Variants in TLE1 observed in about 807,000 individuals in gnomAD.
TLE1 encodes transducin-like enhancer protein 1.
TLE1 carries 21 observed loss-of-function variants against 89.8 expected under a neutral mutation model. That is an observed-to-expected ratio of 0.23 (90% CI 0.17 to 0.34). TLE1 has a LOEUF of 0.34. Ranked by LOEUF, TLE1 falls within the 10% of genes least tolerant of loss-of-function variation. The pLI, the probability that TLE1 is intolerant of heterozygous loss-of-function variation, is 1.00. For synonymous variants in TLE1, 447 were observed against 407.6 expected, an observed-to-expected ratio of 1.10 and a Z score of -1.16; for missense variants, 795 against 1,031.2, an observed-to-expected ratio of 0.77 and a Z score of 3.14.
intron 13 of TLE1, among the ~76,000 whole-genome samples, chr9:81,610,863 T>A (rs1200471796): frequency 6.6e-6 from 1 of 151,824 alleles, no homozygotes; most frequent in Admixed American, 6.6e-5. Context: ...TAAGGATTCA[T>A]ACATGGATTC....
intron 4 of TLE1, among the ~76,000 whole-genome samples, chr9:81,667,933 G>A (rs1283573035): frequency 6.6e-6 from 1 of 152,194 alleles, no homozygotes; most frequent in Admixed American, 6.5e-5. Context: ...GGAGGCTGAG[G>A]AGGGTGGATT....
At chr9:81,657,914 T>C (rs1407709716) in intron 4 of TLE1, among the ~76,000 whole-genome samples, 3 of 149,490 alleles carry the variant, frequency 2.0e-5, no homozygotes, top group Admixed American at 2.0e-4. Context: ...ATTTTTTTTT[T>C]TTTTTTTTTT....
chr9:81,669,558 G>C (rs1238273352), intron 4 of TLE1, among the ~76,000 whole-genome samples: 3 of 152,088 alleles, frequency 2.0e-5, no homozygotes, highest in African/African-American at 7.2e-5. Flanking sequence ...AGGGGCATGT[G>C]CCAAAATCTC....
chr9:81,605,361 A>T (rs930234681), intron 14 of TLE1, among the ~76,000 whole-genome samples: 2 of 152,126 alleles, frequency 1.3e-5, no homozygotes, highest in African/African-American at 2.4e-5. Context: ...TAACAACAAA[A>T]AATGGACTTG....
chr9:81,619,386 T>A (rs1251811150), intron 9 of TLE1, among the ~76,000 whole-genome samples: 1 of 152,210 alleles, frequency 6.6e-6, no homozygotes, highest in Admixed American at 6.5e-5. Flanking sequence ...GCAGAGATAC[T>A]ACAGCTGGCT....
intron 4 of TLE1, among the ~76,000 whole-genome samples, chr9:81,663,158 A>G (rs910213002): frequency 6.6e-6 from 1 of 152,056 alleles, no homozygotes; most frequent in Non-Finnish European, 1.5e-5. Context: ...TTTACTGTTT[A>G]AATTTAATAT....
intron 14 of TLE1, among the ~76,000 whole-genome samples, chr9:81,599,050 T>C (rs1830569395): frequency 1.3e-5 from 2 of 152,206 alleles, no homozygotes; most frequent in African/African-American, 4.8e-5. Context: ...ATTTTTACAA[T>C]GTGCCCTGAC....
At chr9:81,643,904 C>T (rs935073091) in intron 6 of TLE1, among the ~76,000 whole-genome samples, 5 of 152,150 alleles carry the variant, frequency 3.3e-5, no homozygotes, top group Non-Finnish European at 5.9e-5. Flanking sequence ...CACTGCCTTG[C>T]TCATCCCATT....
At chr9:81,680,942 C>CA (rs199731120) in intron 4 of TLE1, among the ~76,000 whole-genome samples, 8,209 of 145,398 alleles carry the variant, frequency 0.056, 336 homozygotes, top group Non-Finnish European at 0.083. Context: ...AAAAAAAAAA[C>CA]AAAAAAAACA....
intron 8 of TLE1, among the ~76,000 whole-genome samples, chr9:81,629,114 G>A (rs1042866075): frequency 1.3e-5 from 2 of 152,074 alleles, no homozygotes; most frequent in East Asian, 1.9e-4. Flanking sequence ...GCAAGTATAC[G>A]CAGCACCTCA....
chr9:81,586,903 T>C (rs940064192), intron 17 of TLE1, among the ~76,000 whole-genome samples: 3 of 152,238 alleles, frequency 2.0e-5, no homozygotes, highest in African/African-American at 7.2e-5. Flanking sequence ...GAAGTATATA[T>C]GCTTGTTTTC....
At chr9:81,617,574 T>C (rs1235323957) in intron 9 of TLE1, among the ~76,000 whole-genome samples, 1 of 151,908 alleles carries the variant, frequency 6.6e-6, no homozygotes, top group Non-Finnish European at 1.5e-5. Context: ...TGGTGGCGCA[T>C]GCCTGCAGTC....
chr9:81,615,727 A>AAGAAG (rs1373733149), intron 11 of TLE1, among the ~76,000 whole-genome samples: 1 of 147,126 alleles, frequency 6.8e-6, no homozygotes, highest in East Asian at 2.0e-4. Context: ...AAAAAAAAAA[A>AAGAAG]AAGAAGAAGA....
Position 81,589,462 on chromosome 9 carries a change from G to C in TLE1, c.1829+1343C>G, listed in dbSNP as rs368929494. Among the ~76,000 whole-genome samples, 6 of 152,240 alleles carry C rather than the reference G, an allele frequency of 3.9e-5. No homozygotes were observed. In the East Asian group the frequency reaches 9.7e-4, roughly 25 times the overall value. ...CAGCAGCCACTAGCCACCTGTGAGTGGTCCAGAGAAAGATTTGTAAGACGC... is the reference window on the plus strand; with the variant it reads ...CAGCAGCCACTAGCCACCTGTGAGTCGTCCAGAGAAAGATTTGTAAGACGC... On this transcript the variant is annotated intron_variant, in intron 16 of 19. Coordinates refer to ENST00000376499, the MANE Select transcript of TLE1 (RefSeq NM_005077.5).
intron 14 of TLE1, among the ~76,000 whole-genome samples, chr9:81,605,545 T>G (rs948977797): frequency 2.6e-5 from 4 of 152,138 alleles, no homozygotes; most frequent in Non-Finnish European, 5.9e-5. Flanking sequence ...CTCATACTAA[T>G]TAATAGATAT....
At chr9:81,633,871 C>A in intron 7 of TLE1, 1 of 502,550 alleles carries the variant, frequency 2.0e-6, no homozygotes, top group Non-Finnish European at 3.5e-6. Flanking sequence ...GCCAAGATGT[C>A]AAGATGCCTG....
At chr9:81,633,417 G>A in intron 7 of TLE1, 53 bp from the exon 8 acceptor site, 1 of 1,613,032 alleles carries the variant, frequency 6.2e-7, no homozygotes, top group East Asian at 2.2e-5. Flanking sequence ...AGACACAGAG[G>A]CAAGAACAGA....
intron 8 of TLE1, among the ~76,000 whole-genome samples, chr9:81,629,036 G>C (rs951102096): frequency 1.3e-5 from 2 of 152,102 alleles, no homozygotes; most frequent in Non-Finnish European, 2.9e-5. Context: ...ACACTAGCTA[G>C]GTATTTCAGT....
chr9:81,588,225 G>A (rs1010690166), intron 16 of TLE1, among the ~76,000 whole-genome samples: 2 of 152,154 alleles, frequency 1.3e-5, no homozygotes, highest in Non-Finnish European at 2.9e-5. Context: ...GGAAGATAAA[G>A]GTCTGTTCTT....
Sources: allele counts gnomAD v4.1 joint callset (sites outside exome capture counted in the v4.1 genomes callset), GRCh38; gene constraint gnomAD v4.1.1; transcripts MANE v1.5; gene names NCBI Gene and HGNC (gene_info 2026-07-23, HGNC 2026-07-21).